EYS: variants seen among roughly 807,000 people sequenced by gnomAD.
The protein encoded by EYS is EGF-like photoreceptor maintenance factor.
In EYS, 250 loss-of-function variants were observed where a neutral mutation model predicts 282.1. The ratio of observed to expected loss-of-function variants is 0.89; its 90% CI spans 0.80 to 0.98. EYS has a LOEUF of 0.98. Ranked by LOEUF, EYS falls within the 50% of genes least tolerant of loss-of-function variation. EYS has a pLI of 0.00. For missense variants in EYS, 4,016 were observed against 3,709.0 expected, an observed-to-expected ratio of 1.08 and a Z score of -2.15; for synonymous variants, 1,355 against 1,282.9, an observed-to-expected ratio of 1.06 and a Z score of -1.20.
intron 12 of EYS, among the ~76,000 whole-genome samples, chr6:65,107,676 G>GT (rs11430260): frequency 0.48 from 71,922 of 149,996 alleles, 17,853 homozygotes; most frequent in African/African-American, 0.58. Flanking sequence ...TACAGTGGGT[G>GT]TTTTTTTTTG....
intron 12 of EYS, among the ~76,000 whole-genome samples, chr6:65,159,571 C>T (rs1411353112): frequency 1.3e-5 from 2 of 150,728 alleles, no homozygotes; most frequent in Non-Finnish European, 3.0e-5. Context: ...TTACCAGTAA[C>T]CTCTATCAAT....
At chr6:65,229,717 A>G (rs1167727965) in intron 12 of EYS, among the ~76,000 whole-genome samples, 2 of 151,918 alleles carry the variant, frequency 1.3e-5, no homozygotes, top group South Asian at 2.1e-4. Context: ...AGGAGGGTGA[A>G]GAAAAGTGAA....
chr6:64,483,973 G>T lies in EYS; in HGVS notation c.5645-44621C>A, dbSNP rs183354396. Among the ~76,000 whole-genome samples the T allele has an allele frequency of 2.4e-4, 36 of 151,734 alleles. No individual in the cohort carries two copies. The East Asian group carries it at 6.0e-3, about 25-fold the overall frequency. The stretch of plus-strand genomic sequence containing the variant: ...AGCTAGTGTTTGCAACACTTTTGTA[G>T]GTGGGCATTAAGTTTTAATATGGGG... On this transcript the variant is annotated intron_variant, in intron 26 of 42. Transcript: ENST00000503581.
chr6:63,726,794 A>G lies in EYS; in HGVS notation c.8072-114T>C, dbSNP rs894004836. The G allele has an allele frequency of 2.9e-5, 28 of 969,978 alleles. No individual in the cohort carries two copies. The African/African-American group carries it at 3.8e-4, about 13-fold the overall frequency. 60.1% of individuals were successfully genotyped at this position (969,978 alleles called of 1,614,324 possible). A position where few individuals can be genotyped will look rare whatever the true frequency, so the allele number is the denominator to read the frequency against. On this transcript the variant is annotated intron_variant, in intron 41 of 42. Coordinates refer to ENST00000503581, the MANE Select transcript of EYS (RefSeq NM_001142800.2). Reference sequence around the variant, plus strand: ...TTGTAATTTCAGGATTTATCGCCCAAGAGTTGCTTGTAGGTGAGTACATCA... The same window carrying G: ...TTGTAATTTCAGGATTTATCGCCCAGGAGTTGCTTGTAGGTGAGTACATCA...
Position 63,932,934 on chromosome 6 carries a change from T to C in EYS, c.7055+51449A>G, listed in dbSNP as rs148890732. ...TGACCTGCTTCTGACCAATTGGCTA[T>C]AAATCAGGAGTTCCCATGATACCTT... On this transcript the variant is annotated intron_variant, in intron 35 of 42. Transcript: ENST00000503581. Among the ~76,000 whole-genome samples the C allele has an allele frequency of 4.3e-3, 656 of 152,382 alleles. 3 individuals are homozygous for C. The highest frequency in any genetic ancestry group is 0.014 in the African/African-American group (600 of 41,596).
At chr6:64,573,423 C>A (rs1468794838) in intron 26 of EYS, among the ~76,000 whole-genome samples, 1 of 152,062 alleles carries the variant, frequency 6.6e-6, no homozygotes, top group African/African-American at 2.4e-5. Context: ...CCAAAATTTG[C>A]AAATGGGATC....
At chr6:65,686,049 C>T (rs1582601704) in intron 1 of EYS, among the ~76,000 whole-genome samples, 1 of 151,962 alleles carries the variant, frequency 6.6e-6, no homozygotes, top group Non-Finnish European at 1.5e-5. Flanking sequence ...AATTGTTCTA[C>T]CTGAAGAATG....
intron 35 of EYS, among the ~76,000 whole-genome samples, chr6:63,940,194 A>G (rs577879262): frequency 4.6e-5 from 7 of 152,324 alleles, no homozygotes; most frequent in African/African-American, 1.7e-4. Flanking sequence ...GTTCCCAAGA[A>G]GCAGAGAAAA....
At chr6:64,789,201 T>C (rs1562192626) in intron 22 of EYS, among the ~76,000 whole-genome samples, 1 of 152,212 alleles carries the variant, frequency 6.6e-6, no homozygotes, top group Admixed American at 6.5e-5. Context: ...ATGACTGTTA[T>C]TTTCCTCCTT....
intron 2 of EYS, among the ~76,000 whole-genome samples, chr6:65,599,798 G>A (rs1039272340): frequency 6.6e-6 from 1 of 151,952 alleles, no homozygotes; most frequent in Non-Finnish European, 1.5e-5. Context: ...CATAGGGAAG[G>A]GGTTGGGGGG....
intron 13 of EYS, among the ~76,000 whole-genome samples, chr6:64,998,492 A>T (rs1424229318): frequency 3.3e-5 from 5 of 152,216 alleles, no homozygotes; most frequent in Non-Finnish European, 5.9e-5. Context: ...GCACTGTAAT[A>T]AATGTATCTA....
chr6:65,591,928 C>T (rs1765247414), intron 2 of EYS, among the ~76,000 whole-genome samples: 1 of 151,984 alleles, frequency 6.6e-6, no homozygotes, highest in African/African-American at 2.4e-5. Flanking sequence ...GTGTCATTAT[C>T]TCTGACATAT....
chr6:64,053,031 G>A (rs1770865297), intron 33 of EYS, among the ~76,000 whole-genome samples: 1 of 152,074 alleles, frequency 6.6e-6, no homozygotes, highest in African/African-American at 2.4e-5. Flanking sequence ...TTTATAATAA[G>A]TATAGCAGCA....
intron 22 of EYS, among the ~76,000 whole-genome samples, chr6:64,748,660 T>C (rs1429158018): frequency 6.6e-6 from 1 of 152,256 alleles, no homozygotes; most frequent in Non-Finnish European, 1.5e-5. Flanking sequence ...CAGTGGAATC[T>C]GAAGCTTCTA....
At chr6:64,105,870 C>T (rs951813992) in intron 31 of EYS, among the ~76,000 whole-genome samples, 1 of 152,126 alleles carries the variant, frequency 6.6e-6, no homozygotes, top group Admixed American at 6.6e-5. Context: ...TAGAGCTACT[C>T]CAGCTTTCAT....
rs11374423 is a variant in EYS, at chr6:64,104,747, C to CTTTTT, written c.6425-22750_6425-22746dup. ...CTTATAATATCTCTCTTCTGGCAAGCTTTTTTTTTTTTTTTTTAAAGAAAT... is the reference window on the plus strand; with the variant it reads ...CTTATAATATCTCTCTTCTGGCAAGCTTTTTTTTTTTTTTTTTTTTTTAAAGAAAT... On this transcript the variant is annotated intron_variant, in intron 31 of 42. Transcript: ENST00000503581. Among the ~76,000 whole-genome samples, 130 of 133,594 alleles carry CTTTTT rather than the reference C, an allele frequency of 9.7e-4. 2 individuals carry two copies. In the South Asian group the frequency reaches 0.012, roughly 13 times the overall value. 87.6% of individuals were successfully genotyped at this position (133,594 alleles called of 152,430 possible).
At chr6:64,715,534 G>A (rs1771359666) in intron 22 of EYS, among the ~76,000 whole-genome samples, 4 of 152,200 alleles carry the variant, frequency 2.6e-5, no homozygotes, top group Admixed American at 2.6e-4. Flanking sequence ...CACAGACAAA[G>A]TTGATTAACC....
intron 1 of EYS, among the ~76,000 whole-genome samples, chr6:65,678,788 G>A (rs1386908551): frequency 4.8e-5 from 7 of 146,536 alleles, no homozygotes; most frequent in Non-Finnish European, 7.5e-5. Context: ...AATTATAAAT[G>A]GGCAAAGGAC....
intron 4 of EYS, among the ~76,000 whole-genome samples, chr6:65,492,241 A>T (rs1766072474): frequency 6.6e-6 from 1 of 152,164 alleles, no homozygotes; most frequent in Non-Finnish European, 1.5e-5. Context: ...AGTAAGCATT[A>T]TTTAGGTATT....
Sources: allele counts gnomAD v4.1 joint callset (sites outside exome capture counted in the v4.1 genomes callset), GRCh38; gene constraint gnomAD v4.1.1; transcripts MANE v1.5; gene names NCBI Gene and HGNC (gene_info 2026-07-23, HGNC 2026-07-21).